Variants in ELP2 observed in about 807,000 individuals in gnomAD.
ELP2 encodes elongator acetyltransferase complex subunit 2, also known as elongator complex protein 2.
ELP2 carries 90 observed loss-of-function variants against 119.2 expected under a neutral mutation model. The ratio of observed to expected loss-of-function variants is 0.75; its 90% confidence interval spans 0.64 to 0.90. The LOEUF (loss-of-function observed/expected upper bound fraction) is 0.90. Among genes scored for constraint, ELP2 ranks in the 40% least tolerant of loss-of-function variants. The pLI, the probability that ELP2 is intolerant of heterozygous loss-of-function variation, is 0.00. For missense variants in ELP2, 921 were observed against 967.8 expected (o/e 0.95, Z 0.64); for synonymous variants, 339 against 331.0 (o/e 1.02, Z -0.26).
chr18:36,131,687 A>G (rs568963028), intron 1 of ELP2, among the ~76,000 whole-genome samples: 2 of 152,346 alleles, frequency 1.3e-5, no homozygotes, highest in African/African-American at 4.8e-5. Context: ...CCGCTATATC[A>G]CAGGACAAGA....
chr18:36,167,211 C>A lies in ELP2; in HGVS notation c.2065C>A (p.Arg689=). The change falls in exon 19 of 22, where the codon CGA becomes AGA. Residue 689 remains arginine, a synonymous_variant. Coordinates refer to ENST00000358232, the MANE Select transcript of ELP2 (RefSeq NM_018255.4). ...CAGCAAGTATTTCTTCACTGGGAGT[C>A]GAGACAAAAAGGTAATTATTTAAAA... ...PDSKYFFTGS[R]DKKVVVWGEC... is the part of the protein sequence containing the mutation. 2 of 1,585,916 alleles carry A rather than the reference C, an allele frequency of 1.3e-6. No individual in the cohort carries two copies. The highest frequency in any genetic ancestry group is 2.4e-5 in the South Asian group (2 of 84,000).
chr18:36,139,430 A>G, intron 5 of ELP2: 1 of 1,535,530 alleles, frequency 6.5e-7, no homozygotes, highest in Non-Finnish European at 8.7e-7. Context: ...TACCTGGAAG[A>G]CTGGCCAGGT....
intron 3 of ELP2, 138 bp downstream of exon 3, chr18:36,136,515 C>G (rs537245287): frequency 6.8e-6 from 5 of 734,892 alleles, no homozygotes; most frequent in South Asian, 5.9e-5. Context: ...GTAGCTGGGA[C>G]TACAGGTGCC....
chr18:36,141,298 A>G, intron 6 of ELP2, 97 bp downstream of exon 6: 1 of 1,020,126 alleles, frequency 9.8e-7, no homozygotes. Context: ...GGAATGTTCT[A>G]ATCTAAACCA....
At chr18:36,146,418 A>G in intron 11 of ELP2, 37 bp downstream of exon 11, 3 of 1,603,286 alleles carry the variant, frequency 1.9e-6, no homozygotes, top group Non-Finnish European at 2.6e-6. Context: ...ATTTCTAATC[A>G]AATAGAGTAC....
intron 13 of ELP2, among the ~76,000 whole-genome samples, chr18:36,157,008 G>C (rs1200926229): frequency 6.6e-6 from 1 of 152,254 alleles, no homozygotes; most frequent in East Asian, 1.9e-4. Flanking sequence ...GTAGAGGTAG[G>C]GGGCAGTGGA....
chr18:36,136,935 T>A (rs1191598455), intron 3 of ELP2, among the ~76,000 whole-genome samples: 1 of 152,216 alleles, frequency 6.6e-6, no homozygotes, highest in Non-Finnish European at 1.5e-5. Context: ...AAAAATTCTC[T>A]GATTGAGCTA....
In ELP2 at chr18:36,155,558, A is replaced by G. The variant is rs929388973; in HGVS notation, c.1275+559A>G. On this transcript the variant is annotated intron_variant, in intron 12 of 21. Transcript: ENST00000358232. ...GAATGATACAGCCACTCTGGAAAACAGTTGGACATTTTATTTTTTGTTTTT... is the reference window on the plus strand; with the variant it reads ...GAATGATACAGCCACTCTGGAAAACGGTTGGACATTTTATTTTTTGTTTTT... Among the ~76,000 whole-genome samples the G allele has an allele frequency of 5.3e-5, 8 of 152,246 alleles. No homozygotes were observed. In the East Asian group the frequency reaches 1.4e-3, roughly 26 times the overall value.
intron 1 of ELP2, among the ~76,000 whole-genome samples, chr18:36,130,365 C>T (rs17739761): frequency 0.055 from 8,369 of 152,296 alleles, 340 homozygotes; most frequent in East Asian, 0.17. Flanking sequence ...TGAAGCCTTC[C>T]TTGGGAACTG....
In ELP2 at chr18:36,178,100, C is replaced by T. The variant is rs899177568; in HGVS notation, c.*3459C>T. ...CCCTGATGTCCATGTAACAAGCTGC[C>T]CTCCCCAACTCCCTCCTTCCTGTTT... On this transcript the variant is annotated 3_prime_UTR_variant, in exon 22 of 22. Transcript: ENST00000358232. 7.2e-5 allele frequency: 11 copies of T among 152,194 alleles called. No homozygotes were observed. The highest frequency in any genetic ancestry group is 1.2e-4 in the Non-Finnish European group (8 of 68,050). 9.4% of individuals were successfully genotyped at this position (152,194 alleles called of 1,614,324 possible).
chr18:36,147,694 A>T (rs1313059756), intron 11 of ELP2, among the ~76,000 whole-genome samples: 1 of 152,176 alleles, frequency 6.6e-6, no homozygotes, highest in Admixed American at 6.5e-5. Context: ...AAGTGCTGGG[A>T]TTACAGGCGT....
At chr18:36,153,122 C>G (rs934828976) in intron 11 of ELP2, among the ~76,000 whole-genome samples, 2 of 152,184 alleles carry the variant, frequency 1.3e-5, no homozygotes, top group African/African-American at 4.8e-5. Context: ...TTCATTTTAG[C>G]CATTATAGAT....
At chr18:36,151,849 T>C (rs1316771417) in intron 11 of ELP2, among the ~76,000 whole-genome samples, 1 of 151,040 alleles carries the variant, frequency 6.6e-6, no homozygotes, top group Admixed American at 6.6e-5. Context: ...CCTGGTTCAA[T>C]TGATTCTCCT....
chr18:36,134,332 G>T (rs2089750236), intron 2 of ELP2, among the ~76,000 whole-genome samples: 1 of 152,150 alleles, frequency 6.6e-6, no homozygotes, highest in Non-Finnish European at 1.5e-5. Context: ...GTGTTTTCCA[G>T]CAGCCACATG....
chr18:36,145,793 A>G (rs889594450), intron 9 of ELP2, among the ~76,000 whole-genome samples, 155 bp from the exon 10 acceptor site: 2 of 152,184 alleles, frequency 1.3e-5, no homozygotes, highest in African/African-American at 2.4e-5. Context: ...CTCTTCTTCT[A>G]ATGGTAGACA....
Position 36,160,808 on chromosome 18 carries a change from A to G in ELP2, c.1689-124A>G, listed in dbSNP as rs972860761. ...AAATGTTTGCCTAGACAAACATACA[A>G]TGTTCCTTAAAAGAATTGTATATTA... On this transcript the variant is annotated intron_variant, in intron 16 of 21. Transcript: ENST00000358232. 6.5e-5 allele frequency: 45 copies of G among 690,006 alleles called. 1 individual carries two copies. In the East Asian group the frequency reaches 1.2e-3, roughly 18 times the overall value. 42.7% of individuals were successfully genotyped at this position (690,006 alleles called of 1,614,324 possible).
intron 4 of ELP2, 71 bp downstream of exon 4, chr18:36,138,497 A>T: frequency 1.4e-6 from 2 of 1,479,492 alleles, no homozygotes. Context: ...GTAGAAGAGC[A>T]TATATATAAT....
chr18:36,160,018 A>G lies in ELP2; in HGVS notation c.1688+3A>G, dbSNP rs765907443. On this transcript the variant is annotated splice_donor_region_variant and intron_variant, in intron 16 of 21. Coordinates refer to ENST00000358232, the MANE Select transcript of ELP2 (RefSeq NM_018255.4). ...TTGTGGCCTGAAGTTCAAAAACTGT[A>G]AGTTAAACTGTATTTAGCTCTTTGG... 8.7e-6 allele frequency: 14 copies of G among 1,613,542 alleles called. No individual in the cohort carries two copies. The Admixed American group carries it at 1.5e-4, about 17-fold the overall frequency.
In ELP2 at chr18:36,178,388, A is replaced by G. The variant is rs1048450729; in HGVS notation, c.*3747A>G. 2 of 152,258 alleles carry G rather than the reference A, an allele frequency of 1.3e-5. No homozygotes were observed. Among genetic ancestry groups the G allele is most frequent in the Non-Finnish European group, 2.9e-5 (2 of 68,064 alleles). The allele number at this position is 152,258 out of a possible 1,614,324, so 9.4% of individuals were successfully genotyped here. On this transcript the variant is annotated 3_prime_UTR_variant, in exon 22 of 22. Transcript: ENST00000358232. Reference sequence around the variant, plus strand: ...ACTACAGAGGGACCTAGATTCTTCAACAAATACATTACAAGAGGAAAAGGG... The same window carrying G: ...ACTACAGAGGGACCTAGATTCTTCAGCAAATACATTACAAGAGGAAAAGGG...
Sources: allele counts gnomAD v4.1 joint callset (sites outside exome capture counted in the v4.1 genomes callset), GRCh38; gene constraint gnomAD v4.1.1; transcripts MANE v1.5; gene names NCBI Gene and HGNC (gene_info 2026-07-23, HGNC 2026-07-21).